NPC1: variants seen among roughly 807,000 people sequenced by gnomAD.
NPC1 encodes Niemann-Pick C1 protein.
In NPC1, 85 loss-of-function variants were observed where a neutral mutation model predicts 140.4. The observed-to-expected ratio is 0.61, with a 90% CI of 0.51 to 0.72. NPC1 has a LOEUF of 0.72. NPC1 is among the 30% of genes least tolerant of loss of function. The probability of loss-of-function intolerance (pLI) is 0.00; values close to 1 mark genes in which losing one functional copy is unlikely to be tolerated. For missense variants in NPC1, 1,504 were observed against 1,623.8 expected (o/e 0.93, Z 1.27); for synonymous variants, 656 against 624.8 (o/e 1.05, Z -0.74).
rs79314642 is a variant in NPC1, at chr18:23,563,752, T to C, written c.464-2225A>G. Among the ~76,000 whole-genome samples the C allele has an allele frequency of 9.6e-4, 146 of 152,244 alleles. 4 individuals carry two copies. The East Asian group carries it at 0.026, about 27-fold the overall frequency. On this transcript the variant is annotated intron_variant, in intron 4 of 24. Coordinates refer to ENST00000269228, the MANE Select transcript of NPC1 (RefSeq NM_000271.5). ...GATTTCTTTTTAATAAAGGTTCCTA[T>C]TTTCCACAGCCTTGTCAACACTTCT...
intron 3 of NPC1, among the ~76,000 whole-genome samples, chr18:23,570,903 ACT>A (rs1376872238): frequency 3.3e-5 from 5 of 152,118 alleles, no homozygotes; most frequent in East Asian, 1.9e-4. Flanking sequence ...TGAGGACCTG[ACT>A]CTATCACAAC....
downstream of NPC1, chr18:23,530,637 G>T (rs757439416): frequency 1.9e-6 from 3 of 1,604,316 alleles, no homozygotes; most frequent in South Asian, 2.2e-5. Flanking sequence ...AAAAGACTTG[G>T]GGTAACCATA....
At chr18:23,556,783 G>A in intron 7 of NPC1, 170 bp from the exon 8 acceptor site, 5 of 1,039,006 alleles carry the variant, frequency 4.8e-6, no homozygotes, top group Non-Finnish European at 7.3e-6. Context: ...AGCCACCTTT[G>A]TTGGCTGCCC....
chr18:23,550,479 C>CTTCTTT (rs746388624), intron 10 of NPC1, among the ~76,000 whole-genome samples: 6 of 74,948 alleles, frequency 8.0e-5, no homozygotes, highest in African/African-American at 3.9e-4. Flanking sequence ...TCTTACATTT[C>CTTCTTT]TTTTTTTTTT....
chr18:23,551,142 C>A (rs1405931329), intron 10 of NPC1, among the ~76,000 whole-genome samples: 1 of 152,174 alleles, frequency 6.6e-6, no homozygotes, highest in African/African-American at 2.4e-5. Context: ...AAAGAGCAAA[C>A]CAGCTGCTCT....
At chr18:23,552,015 A>G (rs2058880023) in intron 9 of NPC1, among the ~76,000 whole-genome samples, 1 of 152,226 alleles carries the variant, frequency 6.6e-6, no homozygotes, top group Non-Finnish European at 1.5e-5. Context: ...TATAGCCAAG[A>G]GGAAGAGACT....
At chr18:23,516,341 C>T in intron 3 of NPC1, 2 of 1,614,216 alleles carry the variant, frequency 1.2e-6, no homozygotes, top group Non-Finnish European at 1.7e-6. Context: ...GTCGAAGCTG[C>T]CCAAATTTGA....
chr18:23,544,210 C>T (rs546336869), intron 13 of NPC1, 134 bp downstream of exon 13: 45 of 851,170 alleles, frequency 5.3e-5, no homozygotes, highest in African/African-American at 4.9e-4. Flanking sequence ...CAAGTCAAGA[C>T]GACCGATGAG....
chr18:23,546,621 G>C lies in NPC1; in HGVS notation c.1757+1385C>G, dbSNP rs573286721. ...CAAAATGGAAACAGCCCAAGTGTTT[G>C]TCAGTTGATAAATGCACACAATGTG... On this transcript the variant is annotated intron_variant, in intron 11 of 24. Coordinates refer to ENST00000269228, the MANE Select transcript of NPC1 (RefSeq NM_000271.5). Among the ~76,000 whole-genome samples, 4 of 152,328 alleles carry C rather than the reference G, an allele frequency of 2.6e-5. No homozygotes were observed. The East Asian group carries it at 7.7e-4, about 29-fold the overall frequency.
rs1053196675 is a variant in NPC1 at position 23,549,601 on chromosome 18, C to T, written c.1655-1493G>A. On this transcript the variant is annotated intron_variant, in intron 10 of 24. Transcript: ENST00000269228. Reference sequence around the variant, plus strand: ...TTGCAGTGAGCCGAGATCACACCACCGCACTCCAGCCTGGACAACAGAGCA... The same window carrying T: ...TTGCAGTGAGCCGAGATCACACCACTGCACTCCAGCCTGGACAACAGAGCA... 6.6e-5 allele frequency among the ~76,000 whole-genome samples: 10 copies of T among 152,002 alleles called. No individual in the cohort carries two copies. In the East Asian group the frequency reaches 7.7e-4, roughly 12 times the overall value.
chr18:23,536,117 C>T (rs753262988), intron 21 of NPC1, among the ~76,000 whole-genome samples: 13 of 152,276 alleles, frequency 8.5e-5, no homozygotes, highest in Non-Finnish European at 1.5e-4. Flanking sequence ...AGCTAACCGG[C>T]TCTTAACTTC....
intron 4 of NPC1, among the ~76,000 whole-genome samples, chr18:23,566,023 C>T (rs2059118558): frequency 6.6e-6 from 1 of 152,124 alleles, no homozygotes; most frequent in Non-Finnish European, 1.5e-5. Flanking sequence ...ATACAAAACA[C>T]ATGGAGAATA....
At chr18:23,534,124 G>GTGGT in intron 23 of NPC1, 1 of 486,510 alleles carries the variant, frequency 2.1e-6, no homozygotes, top group Non-Finnish European at 3.8e-6. Context: ...GACTCTCCAG[G>GTGGT]CACCAACCGC....
rs34226296 is a variant in NPC1, at chr18:23,535,603, C to A, written c.3343G>T (p.Val1115Phe). 749 of 1,614,092 alleles carry A rather than the reference C, an allele frequency of 4.6e-4. 4 individuals carry two copies. The African/African-American group carries it at 9.2e-3, about 20-fold the overall frequency. The change falls in exon 22 of 25, where the codon GTC (valine) becomes TTC (phenylalanine). Residue 1115 changes from valine to phenylalanine, a missense_variant. Val to Phe is a conservative substitution (Grantham distance 50). Coordinates refer to ENST00000269228, the MANE Select transcript of NPC1 (RefSeq NM_000271.5). Reference sequence around the variant, plus strand: ...GACCAGAGCTCACAGCCCAGGAGGACCATGGTCACCAGAAATATCGCGCCC... The same window carrying A: ...GACCAGAGCTCACAGCCCAGGAGGAACATGGTCACCAGAAATATCGCGCCC... The part of the protein sequence containing the change: ...SLGAIFLVTM[V>F]LLGCELWSAV...
At position 23,554,798 on chromosome 18, in the gene NPC1, C is replaced by A; in HGVS notation, c.1513G>T (p.Val505Leu). Residue 505 changes from valine to leucine, a missense_variant, in exon 9 of 25, where the codon GTG (valine) becomes TTG (leucine). By Grantham distance (32) the Val-to-Leu change is conservative. Coordinates refer to ENST00000269228, the MANE Select transcript of NPC1 (RefSeq NM_000271.5). ...LDHKKGDDFF[V>L]YADYHTHFLY... Reference sequence around the variant, plus strand: ...AAGTGCGTGTGGTAATCGGCATACACAAAGAAGTCGTCCCCTTTCTTGTGG... The same window carrying A: ...AAGTGCGTGTGGTAATCGGCATACAAAAAGAAGTCGTCCCCTTTCTTGTGG... The A allele has an allele frequency of 1.9e-6, 3 of 1,614,116 alleles. No individual in the cohort carries two copies. The highest frequency in any genetic ancestry group is 2.5e-6 in the Non-Finnish European group (3 of 1,179,994).
chr18:23,512,016 C>CTT (rs34759918), intron 3 of NPC1, among the ~76,000 whole-genome samples: 88 of 127,210 alleles, frequency 6.9e-4, no homozygotes, highest in Middle Eastern at 4.2e-3. Context: ...GGTAGAAAGA[C>CTT]TTTTTTTTTT....
intron 1 of NPC1, among the ~76,000 whole-genome samples, chr18:23,574,808 T>C (rs1378935491): frequency 6.6e-6 from 1 of 152,178 alleles, no homozygotes; most frequent in East Asian, 1.9e-4. Flanking sequence ...CAAAGCCACA[T>C]ATGAACCCTG....
intron 6 of NPC1, among the ~76,000 whole-genome samples, chr18:23,558,184 T>C (rs540085318): frequency 6.6e-6 from 1 of 152,248 alleles, no homozygotes; most frequent in South Asian, 2.1e-4. Context: ...AATGCTAAAA[T>C]CAGTGGTTGA....
At chr18:23,519,196 A>G, downstream of NPC1, 1 of 1,602,528 alleles carries the variant, frequency 6.2e-7, no homozygotes, top group Non-Finnish European at 8.5e-7. Flanking sequence ...CTGCGTTTCT[A>G]CCAAAGTTAA....
Sources: gnomAD v4.1 joint callset for allele counts (sites outside exome capture counted in the v4.1 genomes callset) on GRCh38, gnomAD v4.1.1 for gene constraint, MANE v1.5 for transcripts, NCBI Gene and HGNC (gene_info 2026-07-23, HGNC 2026-07-21) for gene names.